Variants in HMCN1 observed in about 807,000 individuals in gnomAD.
The protein encoded by HMCN1 is hemicentin 1.
Under a neutral mutation model 625.9 loss-of-function variants are expected in HMCN1, and 321 were observed. The observed-to-expected ratio is 0.51, with a 90% CI of 0.47 to 0.56. HMCN1 has a LOEUF of 0.56. Among genes scored for constraint, HMCN1 ranks in the 20% least tolerant of loss-of-function variants. HMCN1 has a pLI of 0.00. For missense variants in HMCN1, 6,588 were observed against 6,887.3 expected (o/e 0.96, Z 1.54); for synonymous variants, 2,425 against 2,417.6 (o/e 1.00, Z -0.09).
At chr1:186,185,803 C>A (rs1222743737) in intron 105 of HMCN1, among the ~76,000 whole-genome samples, 2 of 152,182 alleles carry the variant, frequency 1.3e-5, no homozygotes, top group Admixed American at 6.5e-5. Flanking sequence ...CTGTTCTCAG[C>A]ACAGCTTCCA....
intron 4 of HMCN1, among the ~76,000 whole-genome samples, chr1:185,886,359 A>G (rs1331204872): frequency 6.6e-6 from 1 of 152,156 alleles, no homozygotes; most frequent in African/African-American, 2.4e-5. Flanking sequence ...ATAGTTAAGT[A>G]GATAAATACC....
At chr1:186,033,613 A>AT (rs1034448319) in intron 36 of HMCN1, among the ~76,000 whole-genome samples, 1 of 151,744 alleles carries the variant, frequency 6.6e-6, no homozygotes, top group African/African-American at 2.4e-5. Context: ...TTATTAAAAA[A>AT]AATTTCCCAT....
In HMCN1 at chr1:185,923,593, G is replaced by C. The variant is rs375782105; in HGVS notation, c.1225G>C (p.Asp409His). 45 of 1,609,172 alleles carry C rather than the reference G, an allele frequency of 2.8e-5. No individual in the cohort carries two copies. Among genetic ancestry groups the C allele is most frequent in the Non-Finnish European group, 3.7e-5 (43 of 1,177,494 alleles). Residue 409 changes from aspartate to histidine, a missense_variant, in exon 8 of 107, where the codon GAT becomes CAT. Physicochemically the swap from Asp to His is moderately conservative, Grantham distance 81. Around this residue, in one of 3 missense-constraint regions of HMCN1, gnomAD observed 4,628 missense variants for 4,853.1 expected, o/e 0.95. Transcript: ENST00000271588. ...EAFFLKVTGY[D>H]KDDYLFQRVS... Reference sequence around the variant, plus strand: ...TTTCTTTCTCAAAGTAACAGGCTATGATAAAGATGATTACCTCTTCCAGAG... The same window carrying C: ...TTTCTTTCTCAAAGTAACAGGCTATCATAAAGATGATTACCTCTTCCAGAG...
chr1:186,172,787 A>C (rs1327882318), intron 102 of HMCN1, among the ~76,000 whole-genome samples: 3 of 152,184 alleles, frequency 2.0e-5, no homozygotes, highest in Non-Finnish European at 4.4e-5. Flanking sequence ...TTATGGGTTA[A>C]ATTGGCCTAC....
chr1:186,151,694 C>T lies in HMCN1; in HGVS notation c.14847C>T (p.Thr4949=). The change falls in exon 95 of 107, where the codon ACC becomes ACT. Residue 4949 remains threonine (T), a synonymous_variant. Coordinates refer to ENST00000271588, the MANE Select transcript of HMCN1 (RefSeq NM_031935.3). The stretch of plus-strand genomic sequence containing the variant: ...TAGGAGAAGCAGTCAATGGCTTTAC[C>T]CTCACCAATGCAGTCTTCAAAAGAG... ...KEIGEAVNGF[T]LTNAVFKRET... The T allele has an allele frequency of 6.2e-7, 1 of 1,613,530 alleles. No individual in the cohort carries two copies. Among genetic ancestry groups the T allele is most frequent in the Non-Finnish European group, 8.5e-7 (1 of 1,179,670 alleles).
intron 54 of HMCN1, 102 bp downstream of exon 54, chr1:186,076,724 T>A: frequency 8.6e-7 from 1 of 1,159,478 alleles, no homozygotes. Context: ...GGCTAAGTAA[T>A]TTAACTGGCA....
At chr1:186,039,656 A>T in intron 38 of HMCN1, 72 bp from the exon 39 acceptor site, 1 of 1,453,270 alleles carries the variant, frequency 6.9e-7, no homozygotes, top group Non-Finnish European at 9.7e-7. Flanking sequence ...TAGACATTAG[A>T]TGTAGTTTTC....
intron 10 of HMCN1, among the ~76,000 whole-genome samples, chr1:185,932,365 T>A (rs974889240): frequency 2.0e-5 from 3 of 152,188 alleles, no homozygotes; most frequent in Non-Finnish European, 4.4e-5. Context: ...ATTCTAGGCT[T>A]ATGATATTAA....
intron 11 of HMCN1, among the ~76,000 whole-genome samples, chr1:185,954,215 C>G (rs1369201207): frequency 6.6e-6 from 1 of 152,152 alleles, no homozygotes; most frequent in Non-Finnish European, 1.5e-5. Flanking sequence ...AGAGGCCTGA[C>G]AACCCATAAT....
intron 83 of HMCN1, among the ~76,000 whole-genome samples, chr1:186,129,539 G>A (rs2102513878): frequency 6.6e-6 from 1 of 152,122 alleles, no homozygotes; most frequent in East Asian, 1.9e-4. Flanking sequence ...CAAGTCAGTT[G>A]AATTATAAGC....
chr1:185,932,207 ATAAT>A (rs918152903), intron 10 of HMCN1, among the ~76,000 whole-genome samples: 3 of 152,226 alleles, frequency 2.0e-5, no homozygotes, highest in African/African-American at 7.2e-5. Context: ...ACATAACAAA[ATAAT>A]TAAACATTAT....
At chr1:185,987,609 C>T in intron 20 of HMCN1, 65 bp downstream of exon 20, 1 of 1,103,830 alleles carries the variant, frequency 9.1e-7, no homozygotes, top group African/African-American at 1.5e-5. Flanking sequence ...CAAGTTATCC[C>T]TAGTCTTGAG....
chr1:185,965,677 C>G, intron 13 of HMCN1, 125 bp from the exon 14 acceptor site: 1 of 714,076 alleles, frequency 1.4e-6, no homozygotes, highest in East Asian at 2.7e-5. Flanking sequence ...GAGTTTCTTT[C>G]GGTTTATAAA....
intron 3 of HMCN1, among the ~76,000 whole-genome samples, 137 bp from the exon 4 acceptor site, chr1:185,865,582 TACACACACACACACACACACAC>T (rs56891910): frequency 1.6e-4 from 21 of 135,286 alleles, no homozygotes; most frequent in Non-Finnish European, 2.2e-4. Flanking sequence ...TATATAAGCA[TACACACACACACACACACACAC>T]ACACACACAC....
chr1:185,975,481 C>T (rs888010965), intron 15 of HMCN1, among the ~76,000 whole-genome samples: 25 of 151,962 alleles, frequency 1.6e-4, no homozygotes, highest in African/African-American at 1.7e-4. Flanking sequence ...CTCACTATCC[C>T]GAGAACAGCA....
At chr1:185,861,008 AT>A (rs1281911634) in intron 2 of HMCN1, among the ~76,000 whole-genome samples, 1 of 152,092 alleles carries the variant, frequency 6.6e-6, no homozygotes, top group Non-Finnish European at 1.5e-5. Context: ...TCAGTACATG[AT>A]TTTTTTAGGG....
chr1:186,178,513 A>G lies in HMCN1; in HGVS notation c.16041A>G (p.Leu5347=). The change falls in exon 104 of 107, where the codon TTA becomes TTG. Residue 5347 remains leucine, a synonymous_variant. Transcript: ENST00000271588. Reference sequence around the variant, plus strand: ...GTATCTGTCCACCAGGACAACATTTATTAGGGGACGGGAAATCTTGCGCTG... The same window carrying G: ...GTATCTGTCCACCAGGACAACATTTGTTAGGGGACGGGAAATCTTGCGCTG... ...FKCICPPGQH[L]LGDGKSCAGL... 1 of 1,614,118 alleles carries G rather than the reference A, an allele frequency of 6.2e-7. No individual in the cohort carries two copies. Among genetic ancestry groups the G allele is most frequent in the African/African-American group, 1.3e-5 (1 of 75,040 alleles).
At chr1:185,994,461 T>A (rs1652648470) in intron 23 of HMCN1, among the ~76,000 whole-genome samples, 1 of 152,164 alleles carries the variant, frequency 6.6e-6, no homozygotes, top group South Asian at 2.1e-4. Context: ...TGCATTGCCT[T>A]TTAAGGGAGT....
chr1:185,745,822 A>G (rs77801222), intron 1 of HMCN1, among the ~76,000 whole-genome samples: 1,577 of 152,334 alleles, frequency 0.01, 13 homozygotes, highest in Non-Finnish European at 0.016. Flanking sequence ...TGAAACTTAC[A>G]TAGATGACAA....
Sources: allele counts gnomAD v4.1 joint callset (sites outside exome capture counted in the v4.1 genomes callset), GRCh38; gene constraint gnomAD v4.1.1; regional missense constraint gnomAD v4.1.1; transcripts MANE v1.5; gene names NCBI Gene and HGNC (gene_info 2026-07-23, HGNC 2026-07-21).